RIMS2: variants seen among roughly 807,000 people sequenced by gnomAD.
The protein encoded by RIMS2 is regulating synaptic membrane exocytosis protein 2.
RIMS2 carries 59 observed loss-of-function variants against 174.4 expected under a neutral mutation model. The ratio of observed to expected loss-of-function variants is 0.34; its 90% CI spans 0.27 to 0.42. The LOEUF (loss-of-function observed/expected upper bound fraction) is 0.42, where lower values mean the gene tolerates loss of function less well. Among genes scored for constraint, RIMS2 ranks in the 10% least tolerant of loss-of-function variants. The pLI is 1.00. For missense variants in RIMS2, 1,620 were observed against 1,666.3 expected (o/e 0.97, Z 0.48); for synonymous variants, 606 against 572.5 (o/e 1.06, Z -0.84).
intron 23 of RIMS2, 139 bp downstream of exon 29, chr8:104,251,302 C>T (rs1481073621): frequency 3.2e-5 from 24 of 753,954 alleles, no homozygotes; most frequent in Non-Finnish European, 4.4e-5. Context: ...AGCAGTGGCC[C>T]GTGCTATAAA....
chr8:104,133,039 T>C (rs1315810325), intron 19 of RIMS2, among the ~76,000 whole-genome samples: 2 of 152,236 alleles, frequency 1.3e-5, no homozygotes, highest in East Asian at 3.9e-4. Flanking sequence ...ATTCATCTTA[T>C]ACTACTGGTA....
intron 1 of RIMS2, among the ~76,000 whole-genome samples, chr8:103,677,914 T>C (rs1307448394): frequency 2.0e-5 from 3 of 152,232 alleles, no homozygotes; most frequent in African/African-American, 7.2e-5. Context: ...TCTGTATGTA[T>C]GTGTGTATGC....
At chr8:103,606,213 T>C (rs1298841840) in intron 1 of RIMS2, among the ~76,000 whole-genome samples, 5 of 145,210 alleles carry the variant, frequency 3.4e-5, no homozygotes, top group Non-Finnish European at 4.5e-5. Context: ...TTTGTTCTCG[T>C]TGGTTTCAAA....
chr8:104,223,565 T>C, intron 19 of RIMS2: 1 of 1,449,696 alleles, frequency 6.9e-7, no homozygotes, highest in Non-Finnish European at 9.1e-7. Context: ...TCTGGCCCAC[T>C]GGTCCCGGAA....
chr8:104,019,235 T>C (rs891141430), intron 19 of RIMS2, among the ~76,000 whole-genome samples: 3 of 152,182 alleles, frequency 2.0e-5, no homozygotes, highest in Non-Finnish European at 4.4e-5. Flanking sequence ...TAAATCAGTA[T>C]ATTTTTATAT....
intron 3 of RIMS2, among the ~76,000 whole-genome samples, chr8:103,833,995 T>G (rs2154480896): frequency 6.6e-6 from 1 of 152,178 alleles, no homozygotes; most frequent in East Asian, 1.9e-4. Context: ...TGATGTTTGT[T>G]TGTTCATTTA....
chr8:103,628,098 A>G (rs1384502836), intron 1 of RIMS2, among the ~76,000 whole-genome samples: 2 of 152,210 alleles, frequency 1.3e-5, no homozygotes, highest in African/African-American at 2.4e-5. Context: ...CAAATTAGGT[A>G]CTTTATATAA....
At chr8:104,140,388 T>A (rs995256639) in intron 19 of RIMS2, among the ~76,000 whole-genome samples, 2 of 152,164 alleles carry the variant, frequency 1.3e-5, no homozygotes, top group Non-Finnish European at 2.9e-5. Context: ...TCTGTACTTA[T>A]AACTTTTGCT....
At chr8:103,587,904 T>A (rs1315431222) in intron 1 of RIMS2, among the ~76,000 whole-genome samples, 1 of 152,000 alleles carries the variant, frequency 6.6e-6, no homozygotes, top group African/African-American at 2.4e-5. Context: ...AAGTCCTAGC[T>A]ATAGCATTCA....
chr8:104,251,723 C>T, exon 24 of RIMS2: 1 of 1,611,396 alleles, frequency 6.2e-7, no homozygotes, highest in Non-Finnish European at 8.5e-7. Context: ...CTTTTCCCAC[C>T]TTCCTCCCTA....
intron 1 of RIMS2, among the ~76,000 whole-genome samples, chr8:103,586,611 A>T (rs558494391): frequency 1.3e-5 from 2 of 152,268 alleles, no homozygotes; most frequent in South Asian, 4.1e-4. Flanking sequence ...GCTAAGAGGG[A>T]AATTTATAAG....
intron 19 of RIMS2, among the ~76,000 whole-genome samples, chr8:104,123,102 A>G (rs1228611588): frequency 6.6e-6 from 1 of 152,084 alleles, no homozygotes; most frequent in East Asian, 1.9e-4. Context: ...GTCAAATGAC[A>G]TTTTTAGACA....
At chr8:103,826,432 T>C (rs754145576) in intron 3 of RIMS2, among the ~76,000 whole-genome samples, 14 of 151,996 alleles carry the variant, frequency 9.2e-5, no homozygotes, top group Non-Finnish European at 1.9e-4. Flanking sequence ...AAGATTAATA[T>C]TTTTTCCATT....
chr8:103,792,624 A>C (rs1407802521), intron 3 of RIMS2, among the ~76,000 whole-genome samples: 1 of 143,726 alleles, frequency 7.0e-6, no homozygotes, highest in East Asian at 2.0e-4. Flanking sequence ...AAAATCAGTG[A>C]ATCCAGGAGC....
chr8:103,955,538 C>T (rs1193672806), intron 14 of RIMS2, among the ~76,000 whole-genome samples: 2 of 152,076 alleles, frequency 1.3e-5, no homozygotes, highest in Admixed American at 6.6e-5. Flanking sequence ...AGGCCTTAAA[C>T]AAAATTCAAC....
intron 3 of RIMS2, among the ~76,000 whole-genome samples, chr8:103,814,272 A>G (rs2098705570): frequency 6.6e-6 from 1 of 152,068 alleles, no homozygotes; most frequent in Non-Finnish European, 1.5e-5. Flanking sequence ...GAGGAGGGAG[A>G]GGTACAGGAG....
At chr8:103,833,529 T>C (rs984621170) in intron 3 of RIMS2, among the ~76,000 whole-genome samples, 2 of 152,220 alleles carry the variant, frequency 1.3e-5, no homozygotes, top group African/African-American at 4.8e-5. Context: ...AGACTTTTTA[T>C]AGATTATCCC....
At chr8:103,621,582 C>T (rs955657121) in intron 1 of RIMS2, among the ~76,000 whole-genome samples, 5 of 152,234 alleles carry the variant, frequency 3.3e-5, no homozygotes, top group East Asian at 1.9e-4. Context: ...TTCTTTATTA[C>T]GTCTAGCAGA....
chr8:103,953,581 T>A (rs922196867), intron 14 of RIMS2, among the ~76,000 whole-genome samples: 1 of 152,130 alleles, frequency 6.6e-6, no homozygotes, highest in African/African-American at 2.4e-5. Context: ...AGGCCTGTCC[T>A]ACGAGAGCTC....
Sources: allele counts gnomAD v4.1 joint callset (sites outside exome capture counted in the v4.1 genomes callset), GRCh38; gene constraint gnomAD v4.1.1; transcripts MANE v1.5; gene names NCBI Gene and HGNC (gene_info 2026-07-23, HGNC 2026-07-21).